Variants in SLC6A6 observed in about 807,000 individuals in gnomAD.
The protein encoded by SLC6A6 is sodium- and chloride-dependent taurine transporter.
Under a neutral mutation model 68.8 loss-of-function variants are expected in SLC6A6, and 16 were observed. The observed-to-expected ratio is 0.23, with a 90% CI of 0.16 to 0.35. The LOEUF (loss-of-function observed/expected upper bound fraction) is 0.35. Ranked by LOEUF, SLC6A6 falls within the 10% of genes least tolerant of loss-of-function variation. The pLI is 1.00. For missense variants in SLC6A6, 474 were observed against 802.8 expected (o/e 0.59, Z 4.95); for synonymous variants, 312 against 315.4 (o/e 0.99, Z 0.12).
intron 1 of SLC6A6, among the ~76,000 whole-genome samples, chr3:14,412,962 G>C (rs868418070): frequency 1.3e-5 from 2 of 152,358 alleles, no homozygotes; most frequent in Middle Eastern, 6.8e-3. Flanking sequence ...AAAGGTTGCT[G>C]TTGGGGAAGC....
chr3:14,412,997 G>C (rs767049144), intron 1 of SLC6A6, among the ~76,000 whole-genome samples: 6 of 152,222 alleles, frequency 3.9e-5, no homozygotes, highest in Non-Finnish European at 8.8e-5. Context: ...CAGTGTCCTC[G>C]CTCCAAAAGC....
intron 2 of SLC6A6, among the ~76,000 whole-genome samples, chr3:14,443,174 T>A (rs988863270): frequency 1.1e-4 from 16 of 152,224 alleles, no homozygotes; most frequent in African/African-American, 3.6e-4. Context: ...TCCATTTTTT[T>A]AAATACAAAT....
intron 5 of SLC6A6, among the ~76,000 whole-genome samples, chr3:14,456,257 A>G (rs1700364925): frequency 6.6e-6 from 1 of 152,240 alleles, no homozygotes. Context: ...CCCTGGTGCC[A>G]GGGGGAGCCC....
rs1700691325 is a variant in SLC6A6 at position 14,468,958 on chromosome 3, T to C, written c.1096+746T>C. On this transcript the variant is annotated intron_variant, in intron 9 of 14. Coordinates refer to ENST00000622186, the MANE Select transcript of SLC6A6 (RefSeq NM_003043.6). This position sits in a 1 kb window ranked among gnomAD's most constrained non-coding sequence, Gnocchi z 4.5. ...GGATCCCAGAGTTCCAGCAAGGTGCTTCTGGAACCTGAGAATCATGGGGCC... is the reference window on the plus strand; with the variant it reads ...GGATCCCAGAGTTCCAGCAAGGTGCCTCTGGAACCTGAGAATCATGGGGCC... Among the ~76,000 whole-genome samples, 1 of 152,158 alleles carries C rather than the reference T, an allele frequency of 6.6e-6. No individual in the cohort carries two copies. Among genetic ancestry groups the C allele is most frequent in the South Asian group, 2.1e-4 (1 of 4,828 alleles).
At chr3:14,437,649 C>T (rs940526227) in intron 2 of SLC6A6, among the ~76,000 whole-genome samples, 1 of 152,012 alleles carries the variant, frequency 6.6e-6, no homozygotes, top group Admixed American at 6.5e-5. Context: ...CAACAGTTTT[C>T]AAGTATACAA....
rs1490372307 is a variant in SLC6A6 at position 14,477,874 on chromosome 3, AAG to A, written c.1347+535_1347+536del. Among the ~76,000 whole-genome samples, 1 of 152,150 alleles carries A rather than the reference AAG, an allele frequency of 6.6e-6. No homozygotes were observed. The highest frequency in any genetic ancestry group is 1.5e-5 in the Non-Finnish European group (1 of 68,022). ...ATTTCAGATGCAGACAAGGGAAGCAAAGAGCAGAAGGGAACGGGAACGTCTAA... is the reference window on the plus strand; with the variant it reads ...ATTTCAGATGCAGACAAGGGAAGCAAAGCAGAAGGGAACGGGAACGTCTAA... On this transcript the variant is annotated intron_variant, in intron 11 of 14. Coordinates refer to ENST00000622186, the MANE Select transcript of SLC6A6 (RefSeq NM_003043.6). The surrounding 1 kb of genome is among the most constrained non-coding windows in gnomAD (Gnocchi z 4.2).
intron 10 of SLC6A6, among the ~76,000 whole-genome samples, chr3:14,475,338 T>C (rs767833818): frequency 6.6e-6 from 1 of 151,854 alleles, no homozygotes; most frequent in Non-Finnish European, 1.5e-5. Context: ...AGCTGGGACA[T>C]GGTTTTTTTT....
chr3:14,418,965 G>T (rs1467534319), intron 2 of SLC6A6, among the ~76,000 whole-genome samples: 1 of 152,234 alleles, frequency 6.6e-6, no homozygotes, highest in African/African-American at 2.4e-5. Context: ...CTTCCTCCTG[G>T]TTAATGAGTA....
intron 5 of SLC6A6, among the ~76,000 whole-genome samples, chr3:14,453,408 G>A (rs1304807559): frequency 1.3e-5 from 2 of 152,202 alleles, no homozygotes; most frequent in Non-Finnish European, 2.9e-5. Flanking sequence ...CACCATGCCC[G>A]GCACATGAGG....
intron 6 of SLC6A6, among the ~76,000 whole-genome samples, chr3:14,465,290 AT>A: frequency 6.6e-6 from 1 of 152,174 alleles, no homozygotes; most frequent in Admixed American, 6.5e-5. Flanking sequence ...AGATGGCCAC[AT>A]CGTTTCTAGT....
At chr3:14,474,440 A>G (rs1700826696) in intron 10 of SLC6A6, among the ~76,000 whole-genome samples, 1 of 152,022 alleles carries the variant, frequency 6.6e-6, no homozygotes, top group African/African-American at 2.4e-5. Flanking sequence ...ACCTTCAGAC[A>G]TTGCGCGGCC....
rs1461755708 is a variant in SLC6A6, at chr3:14,472,568, G to C, written c.1209+251G>C. ...CAAGACGTGGCATGGCACATTATCTGCTAGCAGAGGGGCATCCAGAGGTTC... is the reference window on the plus strand; with the variant it reads ...CAAGACGTGGCATGGCACATTATCTCCTAGCAGAGGGGCATCCAGAGGTTC... On this transcript the variant is annotated intron_variant, in intron 10 of 14. Coordinates refer to ENST00000622186, the MANE Select transcript of SLC6A6 (RefSeq NM_003043.6). This position sits in a 1 kb window ranked among gnomAD's most constrained non-coding sequence, Gnocchi z 4.5. Among the ~76,000 whole-genome samples, 1 of 152,242 alleles carries C rather than the reference G, an allele frequency of 6.6e-6. No homozygotes were observed. Among genetic ancestry groups the C allele is most frequent in the Non-Finnish European group, 1.5e-5 (1 of 68,044 alleles).
rs139497814 is a variant in SLC6A6, at chr3:14,481,787, C to T, written c.1668C>T (p.Cys556=). The T allele has an allele frequency of 9.0e-4, 1,459 of 1,614,084 alleles. 23 individuals are homozygous for T. In the Admixed American group the frequency reaches 0.023, roughly 25 times the overall value. Residue 556 remains cysteine, a synonymous_variant, in exon 14 of 15, where the codon TGC becomes TGT. Transcript: ENST00000622186. The surrounding 1 kb of genome is among the most constrained non-coding windows in gnomAD (Gnocchi z 4.7). ...GCCTGGCCCTTTCCTCCATGCTCTGCGTTCCCTTGGTCATCGTCATCCGCC... is the reference window on the plus strand; with the variant it reads ...GCCTGGCCCTTTCCTCCATGCTCTGTGTTCCCTTGGTCATCGTCATCCGCC... ...GWSLALSSML[C]VPLVIVIRLC...
chr3:14,447,549 G>A (rs77074078), intron 4 of SLC6A6, 33 bp from the exon 5 acceptor site: 68,348 of 1,612,024 alleles, frequency 0.042, 1,832 homozygotes, highest in South Asian at 0.11. Context: ...GCCTCCCTCA[G>A]ATGTTTACTC....
chr3:14,461,403 C>T (rs1574952296), intron 6 of SLC6A6, among the ~76,000 whole-genome samples: 2 of 152,220 alleles, frequency 1.3e-5, no homozygotes, highest in African/African-American at 2.4e-5. Flanking sequence ...CACACTCTTC[C>T]GCCTCTTGTG....
chr3:14,488,001 C>T lies in SLC6A6; in HGVS notation c.*2994C>T, dbSNP rs909017155. On this transcript the variant is annotated 3_prime_UTR_variant, in exon 15 of 15. Coordinates refer to ENST00000622186, the MANE Select transcript of SLC6A6 (RefSeq NM_003043.6). ...GAATTCCTGGACCCATGCGGTGGCT[C>T]CGTGAGCTGGGTGACTCCAGCCTCA... 2 of 152,702 alleles carry T rather than the reference C, an allele frequency of 1.3e-5. No homozygotes were observed. Among genetic ancestry groups the T allele is most frequent in the Non-Finnish European group, 2.9e-5 (2 of 68,108 alleles). The allele number at this position is 152,702 out of a possible 1,614,324, so 9.5% of individuals were successfully genotyped here.
chr3:14,481,919 C>A lies in SLC6A6; in HGVS notation c.1722+78C>A. 7.9e-7 allele frequency: 1 copy of A among 1,268,824 alleles called. No individual in the cohort carries two copies. The highest frequency in any genetic ancestry group is 1.1e-6 in the Non-Finnish European group (1 of 894,510). The allele number at this position is 1,268,824 out of a possible 1,614,324, so 78.6% of individuals were successfully genotyped here. ...GATTGTTGTCAGTTTGCTGCGTGAT[C>A]TCAGGCAAGTCACCTGCCCTCTCTG... is the stretch of plus-strand genomic sequence containing the variant. On this transcript the variant is annotated intron_variant, in intron 14 of 14. Transcript: ENST00000622186. The surrounding 1 kb of genome is among the most constrained non-coding windows in gnomAD (Gnocchi z 4.7).
In SLC6A6 at chr3:14,457,830, T is replaced by G. The variant is rs1160709758; in HGVS notation, c.600-120T>G. 3.5e-6 allele frequency: 3 copies of G among 859,302 alleles called. No individual in the cohort carries two copies. The East Asian group carries it at 7.3e-5, about 21-fold the overall frequency. 53.2% of individuals were successfully genotyped at this position (859,302 alleles called of 1,614,324 possible). On this transcript the variant is annotated intron_variant, in intron 5 of 14. Transcript: ENST00000622186. ...CCTGGGTTTGGAAAGGTGAGGTGAC[T>G]TATGTAAATGCAGCGCCTCAGGTGG...
Position 14,485,050 on chromosome 3 carries a change from C to T in SLC6A6, c.*43C>T, listed in dbSNP as rs576295956. On this transcript the variant is annotated 3_prime_UTR_variant, in exon 15 of 15. Coordinates refer to ENST00000622186, the MANE Select transcript of SLC6A6 (RefSeq NM_003043.6). The stretch of plus-strand genomic sequence containing the variant: ...GGGCCGGCGGCTTTCCTGCTGTTTA[C>T]TAACATTAGATTCTCATAGGACCAG... 2.6e-6 allele frequency: 4 copies of T among 1,548,730 alleles called. No individual in the cohort carries two copies. In the African/African-American group the frequency reaches 4.1e-5, roughly 16 times the overall value.
Sources: allele counts gnomAD v4.1 joint callset (sites outside exome capture counted in the v4.1 genomes callset), GRCh38; gene constraint gnomAD v4.1.1; non-coding constraint Gnocchi (gnomAD v3.1); transcripts MANE v1.5; gene names NCBI Gene and HGNC (gene_info 2026-07-23, HGNC 2026-07-21).